The following NLRC5 variants were observed in gnomAD, a reference collection of about 807,000 sequenced individuals.
The protein encoded by NLRC5 is protein NLRC5.
NLRC5 carries 114 observed loss-of-function variants against 206.9 expected under a neutral mutation model. The ratio of observed to expected loss-of-function variants is 0.55; its 90% confidence interval spans 0.47 to 0.64. The LOEUF (loss-of-function observed/expected upper bound fraction) is 0.64. Ranked by LOEUF, NLRC5 falls within the 30% of genes least tolerant of loss-of-function variation. The pLI, the probability that NLRC5 is intolerant of heterozygous loss-of-function variation, is 0.00. For synonymous variants in NLRC5, 952 were observed against 962.8 expected, an observed-to-expected ratio of 0.99 and a Z score of 0.21; for missense variants, 2,008 against 2,305.5, an observed-to-expected ratio of 0.87 and a Z score of 2.64.
At chr16:57,007,018 T>G (rs1454948552) in intron 1 of NLRC5, among the ~76,000 whole-genome samples, 4 of 152,084 alleles carry the variant, frequency 2.6e-5, no homozygotes, top group African/African-American at 4.8e-5. Flanking sequence ...ATTGGGGAAA[T>G]GTCTATTCTA....
chr16:57,036,803 T>G (rs2062641908), intron 14 of NLRC5, among the ~76,000 whole-genome samples: 1 of 151,942 alleles, frequency 6.6e-6, no homozygotes, highest in African/African-American at 2.4e-5. Context: ...CCTGGGAAAG[T>G]AATTGAATGT....
rs534567755 is a variant in NLRC5, at chr16:57,031,563, G to A, written c.2477+100G>A. The A allele has an allele frequency of 4.7e-5, 54 of 1,141,966 alleles. No homozygotes were observed. The African/African-American group carries it at 6.6e-4, about 14-fold the overall frequency. 70.7% of individuals were successfully genotyped at this position (1,141,966 alleles called of 1,614,324 possible). A position where few individuals can be genotyped will look rare whatever the true frequency, so the allele number is the denominator to read the frequency against. ...TGACCAAGAGACTAGGAAGAGCTGGGGTATGGGAATTCTTCCTGCTACTGC... is the reference window on the plus strand; with the variant it reads ...TGACCAAGAGACTAGGAAGAGCTGGAGTATGGGAATTCTTCCTGCTACTGC... On this transcript the variant is annotated intron_variant, in intron 11 of 48. Transcript: ENST00000688547.
chr16:57,064,523 C>G (rs572681780), intron 32 of NLRC5, among the ~76,000 whole-genome samples: 26 of 152,262 alleles, frequency 1.7e-4, no homozygotes, highest in African/African-American at 6.3e-4. Flanking sequence ...CTTTTTTTCT[C>G]CAAATACTTT....
chr16:57,051,502 G>T (rs753172957), intron 23 of NLRC5, 36 bp from the exon 24 acceptor site: 20 of 1,540,176 alleles, frequency 1.3e-5, no homozygotes, highest in African/African-American at 2.7e-5. Context: ...TTCCTGGAAG[G>T]TTTCCCCCAC....
intron 30 of NLRC5, among the ~76,000 whole-genome samples, chr16:57,060,056 T>TATTATTATC (rs1567621906): frequency 2.3e-5 from 3 of 132,392 alleles, no homozygotes; most frequent in African/African-American, 8.0e-5. Context: ...TTATTATTAT[T>TATTATTATC]ATCATTATCA....
chr16:57,039,712 C>A, intron 15 of NLRC5, 69 bp from the exon 16 acceptor site: 1 of 1,417,872 alleles, frequency 7.1e-7, no homozygotes, highest in Non-Finnish European at 1.0e-6. Flanking sequence ...CTGAGACCTT[C>A]TCTCAAAAAG....
rs774696641 is a variant in NLRC5 at position 57,025,333 on chromosome 16, G to A, written c.425-35G>A. On this transcript the variant is annotated intron_variant, in intron 5 of 48. Coordinates refer to ENST00000688547, the MANE Select transcript of NLRC5 (RefSeq NM_001384950.1). ...GAAGACATGAGCAGAGGGCCGGGGG[G>A]TCCTCTCCTCATGCCATGTCCCTGC... 7 of 1,509,560 alleles carry A rather than the reference G, an allele frequency of 4.6e-6. No homozygotes were observed. The Admixed American group carries it at 1.4e-4, about 30-fold the overall frequency. The allele number at this position is 1,509,560 out of a possible 1,614,324, so 93.5% of individuals were successfully genotyped here.
intron 23 of NLRC5, 34 bp downstream of exon 23, chr16:57,047,662 A>C: frequency 1.3e-6 from 2 of 1,562,990 alleles, no homozygotes; most frequent in Non-Finnish European, 1.8e-6. Flanking sequence ...AGAGGGCACC[A>C]TGTGGGGATC....
At position 57,046,629 on chromosome 16, in the gene NLRC5, C is replaced by G. The variant is rs769037411; in HGVS notation, c.3326C>G (p.Pro1109Arg). 11 of 1,613,966 alleles carry G rather than the reference C, an allele frequency of 6.8e-6. No individual in the cohort carries two copies. Among genetic ancestry groups the G allele is most frequent in the Non-Finnish European group, 9.3e-6 (11 of 1,179,886 alleles). The change falls in exon 22 of 49, where the codon CCC (proline) becomes CGC (arginine). Residue 1109 changes from proline (P) to arginine (R), a missense_variant. Pro to Arg is a moderately radical substitution (Grantham distance 103). Transcript: ENST00000688547. The stretch of plus-strand genomic sequence containing the variant: ...TTAGGGTTCCGTCAGCGCTGCATCC[C>G]CAGGAGCCTCTGGTACTGTCCCAGC... Reference protein sequence around the residue: ...KFLGFRQRCIPRSLCLSECPL... With the variant: ...KFLGFRQRCIRRSLCLSECPL...
rs1381742623 is a variant in NLRC5 at position 57,055,572 on chromosome 16, G to T, written c.3746+53G>T. 1.9e-5 allele frequency: 28 copies of T among 1,444,122 alleles called. No homozygotes were observed. In the East Asian group the frequency reaches 6.4e-4, roughly 33 times the overall value. 89.5% of individuals were successfully genotyped at this position (1,444,122 alleles called of 1,614,324 possible). A position where few individuals can be genotyped will look rare whatever the true frequency, so the allele number is the denominator to read the frequency against. ...AGGAGCATGGACGCATGCCTGAGGG[G>T]CACTGAAGGGGGTATGAGGGTCCGT... is the stretch of plus-strand genomic sequence containing the variant. On this transcript the variant is annotated intron_variant, in intron 27 of 48. Coordinates refer to ENST00000688547, the MANE Select transcript of NLRC5 (RefSeq NM_001384950.1).
At chr16:57,054,622 G>C (rs1162134747) in intron 24 of NLRC5, 129 bp from the exon 25 acceptor site, 1 of 757,114 alleles carries the variant, frequency 1.3e-6, no homozygotes, top group Non-Finnish European at 2.4e-6. Context: ...TGTGCCTCTT[G>C]ATCCCCTGCC....
chr16:57,021,170 C>G, intron 3 of NLRC5, 163 bp downstream of exon 3: 1 of 640,256 alleles, frequency 1.6e-6, no homozygotes. Context: ...TCCTAATGCG[C>G]CCAAATCTGC....
intron 38 of NLRC5, 24 bp from the exon 39 acceptor site, chr16:57,074,576 T>C (rs1320183333): frequency 4.3e-6 from 7 of 1,610,682 alleles, no homozygotes; most frequent in Non-Finnish European, 4.2e-6. Context: ...AGATGTCAAG[T>C]TCACCTGGCC....
chr16:57,026,856 A>G lies in NLRC5; in HGVS notation c.1913A>G (p.Gln638Arg). 1 of 1,614,146 alleles carries G rather than the reference A, an allele frequency of 6.2e-7. No homozygotes were observed. Among genetic ancestry groups the G allele is most frequent in the East Asian group, 2.2e-5 (1 of 44,882 alleles). ...CTCACCGCACAAAGCCTCCCCTATCAACTGCCCTTCCACAATTTCCCACTG... is the reference window on the plus strand; with the variant it reads ...CTCACCGCACAAAGCCTCCCCTATCGACTGCCCTTCCACAATTTCCCACTG... The part of the protein sequence containing the change: ...ASLTAQSLPY[Q>R]LPFHNFPLTC... Residue 638 changes from glutamine (Q) to arginine (R), a missense_variant, in exon 6 of 49, where the codon CAA becomes CGA. By Grantham distance (43) the Gln-to-Arg change is conservative. Transcript: ENST00000688547.
At chr16:57,030,295 T>C (rs547436613) in intron 10 of NLRC5, among the ~76,000 whole-genome samples, 4 of 140,978 alleles carry the variant, frequency 2.8e-5, no homozygotes, top group Non-Finnish European at 4.7e-5. Context: ...AAGATGGATG[T>C]ATGGATGGAT....
chr16:57,082,381 G>A (rs560887193), intron 48 of NLRC5, 36 bp from the exon 49 acceptor site: 51 of 1,493,862 alleles, frequency 3.4e-5, no homozygotes, highest in Admixed American at 3.0e-4. Context: ...GGCAAAGATG[G>A]GAGGATGAAT....
Position 57,046,044 on chromosome 16 carries a change from G to T in NLRC5, c.3249-508G>T, listed in dbSNP as rs143269011. Among the ~76,000 whole-genome samples, 372 of 152,360 alleles carry T rather than the reference G, an allele frequency of 2.4e-3. 2 individuals carry two copies. In the East Asian group the frequency reaches 0.026, roughly 11 times the overall value. On this transcript the variant is annotated intron_variant, in intron 21 of 48. Coordinates refer to ENST00000688547, the MANE Select transcript of NLRC5 (RefSeq NM_001384950.1). ...GACAGGGTGGGCCCATGTGCAGCTG[G>T]CTGGGTGGAGAGAGTCACAGCTAGT...
At chr16:57,011,989 C>G (rs1334523726) in intron 1 of NLRC5, among the ~76,000 whole-genome samples, 2 of 152,184 alleles carry the variant, frequency 1.3e-5, no homozygotes, top group Non-Finnish European at 2.9e-5. Flanking sequence ...ACCATCACCA[C>G]AATCTGGTTT....
Position 57,020,935 on chromosome 16 carries a change from T to C in NLRC5, c.223T>C (p.Cys75Arg). Residue 75 changes from cysteine to arginine, a missense_variant, in exon 3 of 49, where the codon TGT becomes CGT. By Grantham distance (180) the Cys-to-Arg change is radical (BLOSUM62 -3). Transcript: ENST00000688547. ...GGACACCTGGCAGTCTTTCATTCATTGTGTGTGCATGCAGCTGGAGGTGCC... is the reference window on the plus strand; with the variant it reads ...GGACACCTGGCAGTCTTTCATTCATCGTGTGTGCATGCAGCTGGAGGTGCC... The part of the protein sequence containing the change: ...GSDTWQSFIH[C>R]VCMQLEVPLD... 6.2e-7 allele frequency: 1 copy of C among 1,613,950 alleles called. No individual in the cohort carries two copies. The highest frequency in any genetic ancestry group is 1.7e-5 in the Admixed American group (1 of 60,004).
Sources: allele counts gnomAD v4.1 joint callset (sites outside exome capture counted in the v4.1 genomes callset), GRCh38; gene constraint gnomAD v4.1.1; transcripts MANE v1.5; gene names NCBI Gene and HGNC (gene_info 2026-07-23, HGNC 2026-07-21).